The following CHSY3 variants were observed in gnomAD, a reference collection of about 807,000 sequenced individuals.
The protein encoded by CHSY3 is N-acetylgalactosaminyl-proteoglycan 3-beta-glucuronosyltransferase 3.
In CHSY3, 35 loss-of-function variants were observed where a neutral mutation model predicts 67.2. The ratio of observed to expected loss-of-function variants is 0.52; its 90% confidence interval spans 0.40 to 0.69. The LOEUF (loss-of-function observed/expected upper bound fraction) is 0.69, where lower values mean the gene tolerates loss of function less well. CHSY3 is among the 30% of genes least tolerant of loss of function. The pLI is 0.00. For synonymous variants in CHSY3, 474 were observed against 434.7 expected (o/e 1.09, Z -1.12); for missense variants, 1,069 against 1,138.5 (o/e 0.94, Z 0.88).
rs190249044 is a variant in CHSY3 at position 130,019,399 on chromosome 5, C to T, written c.1086+111039C>T. Among the ~76,000 whole-genome samples the T allele has an allele frequency of 2.6e-5, 4 of 152,280 alleles. No individual in the cohort carries two copies. In the East Asian group the frequency reaches 7.7e-4, roughly 29 times the overall value. ...AAACCTGGGCAATTATCTTTTGCTT[C>T]CCGATACTCATACAGTCCCCCAACA... On this transcript the variant is annotated intron_variant, in intron 2 of 2. Coordinates refer to ENST00000305031, the MANE Select transcript of CHSY3 (RefSeq NM_175856.5).
intron 2 of CHSY3, among the ~76,000 whole-genome samples, chr5:130,094,217 G>T (rs1445313569): frequency 6.6e-6 from 1 of 151,902 alleles, no homozygotes; most frequent in East Asian, 1.9e-4. Context: ...GTGAATAGAT[G>T]GTGCTGAACT....
intron 2 of CHSY3, among the ~76,000 whole-genome samples, chr5:130,071,748 T>C (rs766407377): frequency 3.9e-5 from 6 of 152,072 alleles, no homozygotes; most frequent in Non-Finnish European, 8.8e-5. Context: ...GACTGCTAAT[T>C]CATATAATAA....
Position 130,184,457 on chromosome 5 carries a change from G to A in CHSY3, c.1315G>A (p.Val439Met). ...ALMSKLSNTE[V>M]SKEDQQLGVI... ...GATGAGCAAGCTCAGTAACACAGAA[G>A]TGAGCAAAGAGGACCAGCAGCTGGG... The change falls in exon 3 of 3, where the codon GTG becomes ATG. Residue 439 changes from valine (V) to methionine (M), a missense_variant. By Grantham distance (21) the Val-to-Met change is conservative. Transcript: ENST00000305031. 3 of 1,613,530 alleles carry A rather than the reference G, an allele frequency of 1.9e-6. No homozygotes were observed. Among genetic ancestry groups the A allele is most frequent in the Non-Finnish European group, 2.5e-6 (3 of 1,179,456 alleles).
intron 2 of CHSY3, among the ~76,000 whole-genome samples, chr5:129,946,851 T>C (rs59887181): frequency 5.3e-4 from 80 of 152,374 alleles, no homozygotes; most frequent in African/African-American, 1.9e-3. Flanking sequence ...CCAAGCCGTT[T>C]ATATATCTTG....
chr5:130,168,914 TTTG>T (rs1769822996), intron 2 of CHSY3, among the ~76,000 whole-genome samples: 1 of 152,182 alleles, frequency 6.6e-6, no homozygotes, highest in Admixed American at 6.6e-5. Flanking sequence ...AAGGACCATT[TTTG>T]TTGTTGTTGT....
intron 2 of CHSY3, among the ~76,000 whole-genome samples, chr5:130,150,487 G>C (rs1460893446): frequency 2.0e-5 from 3 of 151,962 alleles, no homozygotes; most frequent in African/African-American, 7.3e-5. Context: ...ATATTGTACT[G>C]GAGAAATCAT....
At chr5:129,985,452 TAG>T (rs1763165122) in intron 2 of CHSY3, among the ~76,000 whole-genome samples, 1 of 152,114 alleles carries the variant, frequency 6.6e-6, no homozygotes, top group African/African-American at 2.4e-5. Context: ...TGAAGTCAAG[TAG>T]TGTGATGCTT....
chr5:130,153,573 C>T (rs907254771), intron 2 of CHSY3, among the ~76,000 whole-genome samples: 2 of 152,116 alleles, frequency 1.3e-5, no homozygotes, highest in Non-Finnish European at 2.9e-5. Flanking sequence ...CAGGTAGTCC[C>T]TTTTTAATTT....
At chr5:129,992,298 A>G (rs920023801) in intron 2 of CHSY3, among the ~76,000 whole-genome samples, 20 of 152,218 alleles carry the variant, frequency 1.3e-4, no homozygotes, top group African/African-American at 4.6e-4. Flanking sequence ...TGGCATTCCA[A>G]CTAAATGATT....
chr5:130,098,338 G>A (rs1767119136), intron 2 of CHSY3, among the ~76,000 whole-genome samples: 1 of 152,088 alleles, frequency 6.6e-6, no homozygotes, highest in Non-Finnish European at 1.5e-5. Context: ...TAACTTGGAA[G>A]GTATACACAC....
At chr5:130,177,564 T>C (rs906465727) in intron 2 of CHSY3, among the ~76,000 whole-genome samples, 4 of 152,170 alleles carry the variant, frequency 2.6e-5, no homozygotes, top group African/African-American at 7.2e-5. Context: ...TTTCATCATA[T>C]TTTGAAATGA....
intron 2 of CHSY3, among the ~76,000 whole-genome samples, chr5:129,972,695 C>T (rs1314464627): frequency 6.6e-6 from 1 of 151,822 alleles, no homozygotes; most frequent in African/African-American, 2.4e-5. Flanking sequence ...TTAACTCCCC[C>T]ACACCCACTC....
intron 2 of CHSY3, among the ~76,000 whole-genome samples, chr5:130,165,616 T>C (rs1769723694): frequency 6.6e-6 from 1 of 151,374 alleles, no homozygotes; most frequent in African/African-American, 2.4e-5. Context: ...GTTTATGGTA[T>C]TTTTTTTTCT....
At chr5:129,923,976 A>G (rs997051962) in intron 2 of CHSY3, among the ~76,000 whole-genome samples, 1 of 152,214 alleles carries the variant, frequency 6.6e-6, no homozygotes, top group Non-Finnish European at 1.5e-5. Flanking sequence ...TAAAGTAGTT[A>G]ATATTTAAAA....
intron 2 of CHSY3, among the ~76,000 whole-genome samples, chr5:130,105,821 A>G (rs1767394725): frequency 6.6e-6 from 1 of 151,702 alleles, no homozygotes; most frequent in Non-Finnish European, 1.5e-5. Flanking sequence ...ATATATGGAC[A>G]TAAAATTATT....
At chr5:130,157,118 A>G (rs1769393994) in intron 2 of CHSY3, among the ~76,000 whole-genome samples, 1 of 152,246 alleles carries the variant, frequency 6.6e-6, no homozygotes, top group Admixed American at 6.5e-5. Flanking sequence ...CACAGAGTTG[A>G]CTTCTCTCTC....
At chr5:130,071,637 C>A (rs955936304) in intron 2 of CHSY3, among the ~76,000 whole-genome samples, 26 of 150,962 alleles carry the variant, frequency 1.7e-4, no homozygotes, top group Middle Eastern at 6.8e-3. Flanking sequence ...AGATTTCTTA[C>A]ATATATTGGC....
chr5:129,942,690 T>C (rs1293133783), intron 2 of CHSY3, among the ~76,000 whole-genome samples: 1 of 152,200 alleles, frequency 6.6e-6, no homozygotes, highest in Non-Finnish European at 1.5e-5. Flanking sequence ...CTAAAAGTTT[T>C]CTGATTTCAA....
chr5:130,085,254 T>C (rs2149688694), intron 2 of CHSY3, among the ~76,000 whole-genome samples: 1 of 152,134 alleles, frequency 6.6e-6, no homozygotes, highest in East Asian at 1.9e-4. Flanking sequence ...TTTGTAAAAC[T>C]TTTTAATTGG....
Sources: gnomAD v4.1 joint callset for allele counts (sites outside exome capture counted in the v4.1 genomes callset) on GRCh38, gnomAD v4.1.1 for gene constraint, MANE v1.5 for transcripts, NCBI Gene and HGNC (gene_info 2026-07-23, HGNC 2026-07-21) for gene names.